The following CADM1 variants were observed in gnomAD, a reference collection of about 807,000 sequenced individuals.
CADM1 encodes TSLC-1.
In CADM1, 15 loss-of-function variants were observed where a neutral mutation model predicts 53.1. The ratio of observed to expected loss-of-function variants is 0.28; its 90% CI spans 0.19 to 0.44. CADM1 has a LOEUF of 0.44. Ranked by LOEUF, CADM1 falls within the 20% of genes least tolerant of loss-of-function variation. The probability of loss-of-function intolerance (pLI) is 1.00; values close to 1 mark genes in which losing one functional copy is unlikely to be tolerated. For missense variants in CADM1, 434 were observed against 611.3 expected (o/e 0.71, Z 3.06); for synonymous variants, 281 against 243.0 (o/e 1.16, Z -1.45).
chr11:115,465,593 G>A (rs1591273151), intron 1 of CADM1, among the ~76,000 whole-genome samples: 1 of 152,284 alleles, frequency 6.6e-6, no homozygotes, highest in Admixed American at 6.5e-5. Flanking sequence ...GACCTCATGA[G>A]ATAGATATTA....
At chr11:115,488,496 T>C (rs1050294152) in intron 1 of CADM1, among the ~76,000 whole-genome samples, 1 of 152,168 alleles carries the variant, frequency 6.6e-6, no homozygotes, top group Non-Finnish European at 1.5e-5. Context: ...CACAGATACA[T>C]CAGTGTTACA....
chr11:115,289,092 C>T (rs755140380), intron 1 of CADM1, among the ~76,000 whole-genome samples: 19 of 152,152 alleles, frequency 1.2e-4, no homozygotes, highest in South Asian at 2.1e-4. Context: ...TTGCCAGGCT[C>T]GGTGGCTCAC....
chr11:115,489,258 T>A (rs1257924990), intron 1 of CADM1, among the ~76,000 whole-genome samples: 1 of 152,206 alleles, frequency 6.6e-6, no homozygotes, highest in Non-Finnish European at 1.5e-5. Flanking sequence ...TCCTTCAAGA[T>A]ACAAAAGTCA....
chr11:115,221,115 C>T (rs536510068), intron 5 of CADM1, among the ~76,000 whole-genome samples: 13 of 152,296 alleles, frequency 8.5e-5, no homozygotes, highest in East Asian at 3.9e-4. Flanking sequence ...AAAAGCCAGA[C>T]GATACTTTCT....
intron 9 of CADM1, among the ~76,000 whole-genome samples, chr11:115,193,221 A>G (rs766264526): frequency 1.3e-5 from 2 of 152,224 alleles, no homozygotes; most frequent in Non-Finnish European, 2.9e-5. Context: ...CACTCTAACA[A>G]TAAGTGGGAA....
chr11:115,390,298 A>G (rs1316692506), intron 1 of CADM1, among the ~76,000 whole-genome samples: 3 of 152,024 alleles, frequency 2.0e-5, no homozygotes, highest in African/African-American at 7.2e-5. Flanking sequence ...CCAATATTCT[A>G]CAAGTCGAAC....
intron 8 of CADM1, among the ~76,000 whole-genome samples, chr11:115,201,690 A>C (rs568011138): frequency 6.6e-6 from 1 of 152,320 alleles, no homozygotes; most frequent in South Asian, 2.1e-4. Context: ...GCCTTTTTAA[A>C]ACCTCATCTT....
intron 8 of CADM1, among the ~76,000 whole-genome samples, chr11:115,209,328 T>C (rs1409793514): frequency 6.6e-6 from 1 of 152,186 alleles, no homozygotes; most frequent in Non-Finnish European, 1.5e-5. Context: ...CTTTCAATAG[T>C]GATGCTTAAA....
chr11:115,336,495 A>C (rs1475491052), intron 1 of CADM1, among the ~76,000 whole-genome samples: 3 of 152,154 alleles, frequency 2.0e-5, no homozygotes, highest in Admixed American at 6.6e-5. Context: ...GGGAACTCCT[A>C]ATACAGTAAA....
At chr11:115,276,753 G>T (rs1178630669) in intron 1 of CADM1, among the ~76,000 whole-genome samples, 2 of 152,084 alleles carry the variant, frequency 1.3e-5, no homozygotes, top group Non-Finnish European at 2.9e-5. Flanking sequence ...TTGTTGATTA[G>T]AATGCTGCCA....
intron 1 of CADM1, among the ~76,000 whole-genome samples, chr11:115,396,581 T>A (rs569462268): frequency 6.6e-6 from 1 of 152,206 alleles, no homozygotes; most frequent in East Asian, 1.9e-4. Flanking sequence ...AAAACAGATA[T>A]GCTGGAGATT....
intron 3 of CADM1, among the ~76,000 whole-genome samples, chr11:115,234,116 T>C (rs1941926349): frequency 6.6e-6 from 1 of 152,234 alleles, no homozygotes; most frequent in Non-Finnish European, 1.5e-5. Flanking sequence ...TGTTCCTGGA[T>C]ACCTTTCCTT....
intron 1 of CADM1, among the ~76,000 whole-genome samples, chr11:115,437,801 G>C (rs1224232278): frequency 6.6e-6 from 1 of 152,132 alleles, no homozygotes; most frequent in African/African-American, 2.4e-5. Flanking sequence ...CTTGTAACAG[G>C]AAGTTATGGT....
chr11:115,503,569 C>T (rs937175840), intron 1 of CADM1, among the ~76,000 whole-genome samples: 1 of 152,078 alleles, frequency 6.6e-6, no homozygotes, highest in Non-Finnish European at 1.5e-5. Context: ...CCGCCCCCCC[C>T]GCGGGGCCGG....
intron 1 of CADM1, among the ~76,000 whole-genome samples, chr11:115,478,672 T>C (rs142603680): frequency 5.2e-4 from 79 of 152,312 alleles, no homozygotes; most frequent in African/African-American, 1.8e-3. Context: ...TCTCACTCTC[T>C]AGAGATAGCC....
intron 10 of CADM1, among the ~76,000 whole-genome samples, chr11:115,188,434 C>T (rs1367146397): frequency 2.0e-5 from 3 of 152,196 alleles, no homozygotes; most frequent in African/African-American, 4.8e-5. Context: ...AGCTGGGCAA[C>T]TTGCTTTGCT....
intron 1 of CADM1, among the ~76,000 whole-genome samples, chr11:115,351,365 A>G (rs1247342648): frequency 5.9e-5 from 9 of 152,234 alleles, no homozygotes; most frequent in Admixed American, 1.3e-4. Flanking sequence ...TCTGACAACA[A>G]AAGAATTTCA....
At chr11:115,280,561 G>A (rs1474600894) in intron 1 of CADM1, among the ~76,000 whole-genome samples, 1 of 152,150 alleles carries the variant, frequency 6.6e-6, no homozygotes, top group Admixed American at 6.5e-5. Context: ...CCCTGATAAG[G>A]CAATCCAGTC....
At chr11:115,328,720 ATATATG>A (rs1945045223) in intron 1 of CADM1, among the ~76,000 whole-genome samples, 1 of 103,290 alleles carries the variant, frequency 9.7e-6, no homozygotes, top group South Asian at 3.6e-4. Flanking sequence ...ATATGTGTAT[ATATATG>A]TATATACATA....
Sources: allele counts gnomAD v4.1 joint callset (sites outside exome capture counted in the v4.1 genomes callset), GRCh38; gene constraint gnomAD v4.1.1; transcripts MANE v1.5; gene names NCBI Gene and HGNC (gene_info 2026-07-23, HGNC 2026-07-21).